SLC38A8: variants seen among roughly 807,000 people sequenced by gnomAD.
SLC38A8 encodes solute carrier family 38 member 8.
A neutral mutation model predicts 46.0 loss-of-function variants in SLC38A8; 65 were observed. The ratio of observed to expected loss-of-function variants is 1.41; its 90% CI spans 1.16 to 1.74. The LOEUF (loss-of-function observed/expected upper bound fraction) is 1.74. Among genes scored for constraint, SLC38A8 ranks in the 40% most tolerant of loss-of-function variants. The pLI, the probability that SLC38A8 is intolerant of heterozygous loss-of-function variation, is 0.00. For missense variants in SLC38A8, 998 were observed against 567.9 expected (o/e 1.76, Z -7.70); for synonymous variants, 447 against 243.7 (o/e 1.83, Z -7.77).
In SLC38A8 at chr16:84,042,064, T is replaced by C. The variant is rs369475402; in HGVS notation, c.94A>G (p.Ile32Val). 19 of 1,613,810 alleles carry C rather than the reference T, an allele frequency of 1.2e-5. No homozygotes were observed. In the African/African-American group the frequency reaches 2.3e-4, roughly 19 times the overall value. The change falls in exon 2 of 11, where the codon ATC becomes GTC. Residue 32 changes from isoleucine to valine, a missense_variant. Physicochemically the swap from Ile to Val is conservative, Grantham distance 29 (BLOSUM62 3). Transcript: ENST00000299709. The stretch of plus-strand genomic sequence containing the variant: ...GCTCCCAGCGCGGACTTCATGAGGA[T>C]GAAGACAGCGCCCATCGAGGACAGA... The part of the protein sequence containing the change: ...ATLSSMGAVF[I>V]LMKSALGAGL...
chr16:84,022,083 C>T (rs2085102348), intron 7 of SLC38A8, among the ~76,000 whole-genome samples: 1 of 152,238 alleles, frequency 6.6e-6, no homozygotes, highest in African/African-American at 2.4e-5. Flanking sequence ...AATGCTACCA[C>T]ATCAGGGATT....
At chr16:84,032,174 G>T (rs2326154) in intron 4 of SLC38A8, among the ~76,000 whole-genome samples, 4 of 18,336 alleles carry the variant, frequency 2.2e-4, no homozygotes, top group South Asian at 2.0e-3. Context: ...GTAGAGTTTT[G>T]TTGTTGTTGT....
intron 2 of SLC38A8, among the ~76,000 whole-genome samples, chr16:84,037,197 C>T (rs951398816): frequency 5.3e-5 from 8 of 152,212 alleles, no homozygotes; most frequent in African/African-American, 1.9e-4. Context: ...ACATCAGAAA[C>T]CCAGTGTTTA....
rs534634085 is a variant in SLC38A8, at chr16:84,017,055, C to T, written c.953+85G>A. The T allele has an allele frequency of 4.6e-5, 71 of 1,544,078 alleles. No individual in the cohort carries two copies. The East Asian group carries it at 9.5e-4, about 21-fold the overall frequency. ...GGAGAGGATGGTAGTCCCACAGCCGCGTAGCCCACACCTGGTACATGCTCA... is the reference window on the plus strand; with the variant it reads ...GGAGAGGATGGTAGTCCCACAGCCGTGTAGCCCACACCTGGTACATGCTCA... On this transcript the variant is annotated intron_variant, in intron 8 of 10. Transcript: ENST00000299709.
intron 6 of SLC38A8, among the ~76,000 whole-genome samples, chr16:84,026,269 G>T (rs184355336): frequency 2.6e-5 from 4 of 152,114 alleles, no homozygotes; most frequent in Non-Finnish European, 5.9e-5. Context: ...TCGCTCCATC[G>T]CCCAGGCTGG....
intron 6 of SLC38A8, among the ~76,000 whole-genome samples, chr16:84,026,275 G>T (rs935391933): frequency 1.7e-4 from 26 of 152,164 alleles, no homozygotes; most frequent in African/African-American, 6.0e-4. Context: ...CATCGCCCAG[G>T]CTGGAGTACA....
At chr16:84,027,747 C>A (rs903318673) in intron 6 of SLC38A8, among the ~76,000 whole-genome samples, 1 of 152,214 alleles carries the variant, frequency 6.6e-6, no homozygotes, top group African/African-American at 2.4e-5. Context: ...GGAAACGCAG[C>A]CCAGGCCTCG....
rs754247007 is a variant in SLC38A8 at position 84,029,501 on chromosome 16, C to G, written c.683G>C (p.Gly228Ala). 14 of 1,614,106 alleles carry G rather than the reference C, an allele frequency of 8.7e-6. No individual in the cohort carries two copies. The highest frequency in any genetic ancestry group is 5.0e-5 in the Admixed American group (3 of 60,016). Residue 228 changes from glycine to alanine, a missense_variant, in exon 6 of 11, where the codon GGG (glycine) becomes GCG (alanine). Coordinates refer to ENST00000299709, the MANE Select transcript of SLC38A8 (RefSeq NM_001080442.3). ...CACAGATGCTAAAATTACCTGAAAC[C>G]CGAAGCAGATGGTGGGGAAGACACT... is the stretch of plus-strand genomic sequence containing the variant. ...VFSVFPTICF[G>A]FQCHEAAVSI... is the part of the protein sequence containing the mutation.
rs539547809 is a variant in SLC38A8 at position 84,022,826 on chromosome 16, G to C, written c.754C>G (p.Leu252Val). The stretch of plus-strand genomic sequence containing the variant: ...GCCAGCAAGGACAGCACAGACACCA[G>C]GGCCCAGTGGGAGAGGCTCCGTTTG... ...MRKRSLSHWALVSVLSLLACC... is the reference protein window; with the variant it reads ...MRKRSLSHWAVVSVLSLLACC... The change falls in exon 7 of 11, where the codon CTG becomes GTG. Residue 252 changes from leucine to valine, a missense_variant. Physicochemically the swap from Leu to Val is conservative, Grantham distance 32. Coordinates refer to ENST00000299709, the MANE Select transcript of SLC38A8 (RefSeq NM_001080442.3). The C allele has an allele frequency of 2.4e-5, 39 of 1,613,426 alleles. No homozygotes were observed. The highest frequency in any genetic ancestry group is 3.4e-6 in the Non-Finnish European group (4 of 1,179,792).
At chr16:84,025,288 G>A (rs973312240) in intron 6 of SLC38A8, among the ~76,000 whole-genome samples, 9 of 152,146 alleles carry the variant, frequency 5.9e-5, no homozygotes, top group East Asian at 1.9e-4. Context: ...TGCCCGCCCT[G>A]TAGGGACCCT....
At chr16:84,009,959 T>A (rs1315225108) in intron 10 of SLC38A8, 82 bp from the exon 11 acceptor site, 6 of 1,197,862 alleles carry the variant, frequency 5.0e-6, no homozygotes, top group Non-Finnish European at 7.2e-6. Context: ...ATTCACTATG[T>A]AGAGCCCAGT....
intron 7 of SLC38A8, 65 bp from the exon 8 acceptor site, chr16:84,017,352 A>C: frequency 6.3e-7 from 1 of 1,576,334 alleles, no homozygotes; most frequent in South Asian, 1.1e-5. Context: ...TCCCCCACCA[A>C]CAGACAGACA....
chr16:84,017,724 G>C (rs539849119), intron 7 of SLC38A8, among the ~76,000 whole-genome samples: 127 of 152,222 alleles, frequency 8.3e-4, no homozygotes, highest in Non-Finnish European at 1.7e-3. Flanking sequence ...CACACAGCTA[G>C]TTTTCGTGGA....
intron 5 of SLC38A8, among the ~76,000 whole-genome samples, chr16:84,031,004 G>A (rs2085231610): frequency 1.3e-5 from 2 of 152,136 alleles, no homozygotes; most frequent in African/African-American, 4.8e-5. Context: ...TGGCTCCCAA[G>A]GACCACAGAA....
chr16:84,036,033 C>T (rs1012979369), intron 3 of SLC38A8, among the ~76,000 whole-genome samples: 3 of 152,220 alleles, frequency 2.0e-5, no homozygotes, highest in Admixed American at 1.3e-4. Flanking sequence ...AGACCATGTG[C>T]TGGACTACAG....
Position 84,016,656 on chromosome 16 carries a change from G to C in SLC38A8, c.1025C>G (p.Ser342Ter). The stretch of plus-strand genomic sequence containing the variant: ...CAGCGGCATCCGGACCCACAGCCCT[G>C]AGGGGTCGGCCAGGGCGCTGGGCCC... ...GWGPSALADP[S>*]GLWVRMPLTI... is the part of the protein sequence containing the mutation. The change falls in exon 9 of 11, where the codon TCA becomes TGA. Residue 342 changes from serine (S) to a stop codon, truncating the protein, a stop_gained. Coordinates refer to ENST00000299709, the MANE Select transcript of SLC38A8 (RefSeq NM_001080442.3). LOFTEE classifies it high-confidence loss of function. The C allele has an allele frequency of 1.2e-6, 2 of 1,613,788 alleles. No individual in the cohort carries two copies. The highest frequency in any genetic ancestry group is 1.7e-6 in the Non-Finnish European group (2 of 1,180,030).
chr16:84,017,754 T>C (rs1040024454), intron 7 of SLC38A8, among the ~76,000 whole-genome samples: 2 of 152,158 alleles, frequency 1.3e-5, no homozygotes, highest in Non-Finnish European at 2.9e-5. Context: ...AGAGCGCCAT[T>C]CCCTTTGCGC....
chr16:84,017,288 C>G lies in SLC38A8; in HGVS notation c.806-1G>C. The G allele has an allele frequency of 6.2e-7, 1 of 1,614,000 alleles. No homozygotes were observed. The highest frequency in any genetic ancestry group is 8.5e-7 in the Non-Finnish European group (1 of 1,180,012). The stretch of plus-strand genomic sequence containing the variant: ...CCAAAAGTCAGGAAGCCATAAACCC[C>G]TGAAGGTGGGAAAGGATGGAAGCCA... On this transcript the variant is annotated splice_acceptor_variant, in intron 7 of 10. Transcript: ENST00000299709. LOFTEE classifies it high-confidence loss of function.
intron 6 of SLC38A8, among the ~76,000 whole-genome samples, chr16:84,029,014 C>G (rs572299631): frequency 1.3e-5 from 2 of 152,282 alleles, no homozygotes; most frequent in South Asian, 4.1e-4. Flanking sequence ...CAATCAGCTC[C>G]CTGTACACCT....
Sources: allele counts gnomAD v4.1 joint callset (sites outside exome capture counted in the v4.1 genomes callset), GRCh38; gene constraint gnomAD v4.1.1; transcripts MANE v1.5; gene names NCBI Gene and HGNC (gene_info 2026-07-23, HGNC 2026-07-21).